CARMIL1: variants seen among roughly 807,000 people sequenced by gnomAD.
The protein encoded by CARMIL1 is capping protein regulator and myosin 1 linker 1.
CARMIL1 carries 90 observed loss-of-function variants against 177.1 expected under a neutral mutation model. The observed-to-expected ratio is 0.51, with a 90% CI of 0.43 to 0.61. The LOEUF (loss-of-function observed/expected upper bound fraction) is 0.61, where lower values mean the gene tolerates loss of function less well. Ranked by LOEUF, CARMIL1 falls within the 20% of genes least tolerant of loss-of-function variation. The pLI is 0.00. For missense variants in CARMIL1, 1,380 were observed against 1,667.0 expected (o/e 0.83, Z 3.00); for synonymous variants, 577 against 606.2 (o/e 0.95, Z 0.71).
chr6:25,540,958 CTG>C (rs1180636502), intron 26 of CARMIL1, among the ~76,000 whole-genome samples: 2 of 152,136 alleles, frequency 1.3e-5, no homozygotes, highest in Non-Finnish European at 2.9e-5. Flanking sequence ...CAGAGGGACT[CTG>C]TGTATCATTT....
At chr6:25,409,652 T>C (rs1236398788) in intron 2 of CARMIL1, among the ~76,000 whole-genome samples, 12 of 152,194 alleles carry the variant, frequency 7.9e-5, no homozygotes. Context: ...TATGCTAGTA[T>C]TTATCAAACT....
intron 25 of CARMIL1, among the ~76,000 whole-genome samples, chr6:25,539,366 A>G (rs761957623): frequency 6.6e-6 from 1 of 152,002 alleles, no homozygotes; most frequent in Non-Finnish European, 1.5e-5. Flanking sequence ...TATGCAGAGA[A>G]CTGGAGACTT....
Position 25,520,636 on chromosome 6 carries a change from G to A in CARMIL1, c.1968+299G>A, listed in dbSNP as rs1806459624. On this transcript the variant is annotated intron_variant, in intron 23 of 36. Transcript: ENST00000329474. ...TCTTGATTGGCTGGGGGAGAAATGT[G>A]TGGAACTGAGTATCAGTTTGCACAG... Among the ~76,000 whole-genome samples, 2 of 152,174 alleles carry A rather than the reference G, an allele frequency of 1.3e-5. 1 individual carries two copies. Among genetic ancestry groups the A allele is most frequent in the East Asian group, 3.8e-4 (2 of 5,198 alleles).
chr6:25,552,152 GTTTA>G (rs1810165937), intron 27 of CARMIL1, among the ~76,000 whole-genome samples: 3 of 152,236 alleles, frequency 2.0e-5, no homozygotes, highest in South Asian at 4.1e-4. Context: ...CTTCTAGAGG[GTTTA>G]TAGGACCCCA....
intron 2 of CARMIL1, among the ~76,000 whole-genome samples, chr6:25,370,829 T>C (rs1467133796): frequency 6.6e-6 from 1 of 152,146 alleles, no homozygotes; most frequent in Non-Finnish European, 1.5e-5. Context: ...ACAAATTGTA[T>C]AGTGGTGAAG....
At chr6:25,565,630 A>T (rs1463115965) in intron 29 of CARMIL1, among the ~76,000 whole-genome samples, 2 of 152,130 alleles carry the variant, frequency 1.3e-5, no homozygotes, top group African/African-American at 2.4e-5. Flanking sequence ...GCAGATCATG[A>T]GGTGAGGAGA....
intron 2 of CARMIL1, among the ~76,000 whole-genome samples, chr6:25,330,673 C>A (rs924071253): frequency 7.1e-6 from 1 of 140,692 alleles, no homozygotes; most frequent in African/African-American, 2.6e-5. Context: ...GACGCACCCC[C>A]CCGCCCATCT....
intron 34 of CARMIL1, among the ~76,000 whole-genome samples, chr6:25,605,615 A>G (rs1815876685): frequency 6.6e-6 from 1 of 152,226 alleles, no homozygotes; most frequent in African/African-American, 2.4e-5. Flanking sequence ...TGCAGCCGTC[A>G]GCATCACCCT....
At position 25,488,550 on chromosome 6, in the gene CARMIL1, C is replaced by G. The variant is rs1183084735; in HGVS notation, c.1030C>G (p.Leu344Val). Reference sequence around the variant, plus strand: ...CGCCTCTACCCTTGTCCACCTCGACCTCTCAGGGAACGTCCTTCGTGGAGA... The same window carrying G: ...CGCCTCTACCCTTGTCCACCTCGACGTCTCAGGGAACGTCCTTCGTGGAGA... ...LTASTLVHLD[L>V]SGNVLRGDDL... Residue 344 changes from leucine (L) to valine (V), a missense_variant, in exon 13 of 37, where the codon CTC becomes GTC. Physicochemically the swap from Leu to Val is conservative, Grantham distance 32. Coordinates refer to ENST00000329474, the MANE Select transcript of CARMIL1 (RefSeq NM_017640.6). 1 of 1,613,884 alleles carries G rather than the reference C, an allele frequency of 6.2e-7. No homozygotes were observed. The highest frequency in any genetic ancestry group is 8.5e-7 in the Non-Finnish European group (1 of 1,179,868).
intron 2 of CARMIL1, among the ~76,000 whole-genome samples, chr6:25,373,818 C>T (rs111722075): frequency 0.11 from 16,538 of 152,106 alleles, 920 homozygotes; most frequent in Non-Finnish European, 0.14. Flanking sequence ...CTCCTGACCT[C>T]GTGATCCGTC....
intron 9 of CARMIL1, among the ~76,000 whole-genome samples, chr6:25,468,126 A>G (rs1471535417): frequency 1.3e-5 from 2 of 152,180 alleles, no homozygotes; most frequent in African/African-American, 4.8e-5. Context: ...AAGGTGCCAC[A>G]GGAAAAATAT....
chr6:25,368,808 T>C (rs771846686), intron 2 of CARMIL1, among the ~76,000 whole-genome samples: 2 of 152,222 alleles, frequency 1.3e-5, no homozygotes, highest in Non-Finnish European at 2.9e-5. Context: ...AATGGCCTCA[T>C]GTATGTATAT....
At chr6:25,454,744 T>C (rs1240921682) in intron 8 of CARMIL1, among the ~76,000 whole-genome samples, 2 of 152,224 alleles carry the variant, frequency 1.3e-5, no homozygotes, top group Non-Finnish European at 2.9e-5. Flanking sequence ...TTTGATAGTA[T>C]TTTGCTAATT....
At chr6:25,324,927 G>C (rs1391556664) in intron 2 of CARMIL1, among the ~76,000 whole-genome samples, 1 of 152,004 alleles carries the variant, frequency 6.6e-6, no homozygotes, top group African/African-American at 2.4e-5. Flanking sequence ...GGCAGAAGTG[G>C]AAGAGCTAGG....
At chr6:25,294,858 A>G (rs1316734442) in intron 2 of CARMIL1, among the ~76,000 whole-genome samples, 1 of 152,162 alleles carries the variant, frequency 6.6e-6, no homozygotes, top group Non-Finnish European at 1.5e-5. Context: ...TGCTTGGCGA[A>G]CACCCTTGAA....
chr6:25,327,200 G>T (rs905804750), intron 2 of CARMIL1, among the ~76,000 whole-genome samples: 1 of 152,020 alleles, frequency 6.6e-6, no homozygotes, highest in Admixed American at 6.6e-5. Flanking sequence ...GTGCAAGAGC[G>T]GGCAAAGGAC....
intron 2 of CARMIL1, among the ~76,000 whole-genome samples, chr6:25,295,381 G>C (rs1319535877): frequency 1.3e-5 from 2 of 152,104 alleles, no homozygotes. Context: ...GTCCCTTATT[G>C]TCAGATAATT....
chr6:25,551,958 A>G (rs994327633), intron 27 of CARMIL1, among the ~76,000 whole-genome samples: 1 of 152,212 alleles, frequency 6.6e-6, no homozygotes, highest in African/African-American at 2.4e-5. Flanking sequence ...TTAACTAGAT[A>G]TCAAAGGCTG....
At chr6:25,605,068 G>A (rs1239739067) in intron 34 of CARMIL1, among the ~76,000 whole-genome samples, 175 bp downstream of exon 34, 1 of 152,168 alleles carries the variant, frequency 6.6e-6, no homozygotes, top group East Asian at 1.9e-4. Flanking sequence ...ATCTTCCCCT[G>A]GGGCACATCC....
Sources: allele counts gnomAD v4.1 joint callset (sites outside exome capture counted in the v4.1 genomes callset), GRCh38; gene constraint gnomAD v4.1.1; transcripts MANE v1.5; gene names NCBI Gene and HGNC (gene_info 2026-07-23, HGNC 2026-07-21).